ABCG2: variants seen among roughly 807,000 people sequenced by gnomAD.
ABCG2 encodes broad substrate specificity ATP-binding cassette transporter ABCG2.
Under a neutral mutation model 73.5 loss-of-function variants are expected in ABCG2, and 80 were observed. That is an observed-to-expected ratio of 1.09 (90% confidence interval 0.91 to 1.31). The LOEUF is 1.31. Among genes scored for constraint, ABCG2 ranks in the 50% most tolerant of loss-of-function variants. The probability of loss-of-function intolerance (pLI) is 0.00; values close to 1 mark genes in which losing one functional copy is unlikely to be tolerated. For synonymous variants in ABCG2, 269 were observed against 282.4 expected, an observed-to-expected ratio of 0.95 and a Z score of 0.48; for missense variants, 796 against 786.2, an observed-to-expected ratio of 1.01 and a Z score of -0.15.
At chr4:88,136,365 T>C (rs959558971) in intron 2 of ABCG2, among the ~76,000 whole-genome samples, 1 of 152,136 alleles carries the variant, frequency 6.6e-6, no homozygotes, top group Admixed American at 6.5e-5. Flanking sequence ...GTTTTGTAAA[T>C]ATCTCCTCCA....
chr4:88,144,663 T>A (rs1208408596), intron 1 of ABCG2, among the ~76,000 whole-genome samples: 2 of 151,970 alleles, frequency 1.3e-5, no homozygotes, highest in Middle Eastern at 3.4e-3. Context: ...ACCATGGTGG[T>A]CAAGGCTGGT....
At chr4:88,096,907 T>A (rs1342126794) in intron 13 of ABCG2, among the ~76,000 whole-genome samples, 1 of 152,172 alleles carries the variant, frequency 6.6e-6, no homozygotes, top group African/African-American at 2.4e-5. Flanking sequence ...CAAACCATAC[T>A]CTGTTCTGCT....
upstream of ABCG2, chr4:88,163,725 C>T (rs377740941): frequency 7.3e-4 from 299 of 407,708 alleles, 1 homozygote; most frequent in African/African-American, 5.3e-3. Flanking sequence ...TCAGAGAGAT[C>T]CGGAAATTTG....
chr4:88,138,622 A>G (rs1246837274), intron 2 of ABCG2, among the ~76,000 whole-genome samples: 1 of 152,200 alleles, frequency 6.6e-6, no homozygotes, highest in Non-Finnish European at 1.5e-5. Context: ...TTAGAGTTGG[A>G]GCCAGCAGAT....
At chr4:88,101,183 G>T in intron 11 of ABCG2, 47 bp downstream of exon 11, 1 of 1,540,324 alleles carries the variant, frequency 6.5e-7, no homozygotes, top group Non-Finnish European at 9.0e-7. Context: ...CTAACCAATA[G>T]CCCCTGCTGC....
At chr4:88,200,249 G>A (rs1366010512) in intron 1 of ABCG2, among the ~76,000 whole-genome samples, 1 of 151,982 alleles carries the variant, frequency 6.6e-6, no homozygotes, top group East Asian at 1.9e-4. Context: ...GATCACTTGA[G>A]CCTGGGAGGT....
At chr4:88,166,145 T>C (rs1229915743) in intron 1 of ABCG2, among the ~76,000 whole-genome samples, 1 of 152,180 alleles carries the variant, frequency 6.6e-6, no homozygotes, top group African/African-American at 2.4e-5. Flanking sequence ...GAAGCCTTTC[T>C]GGAGCTTCCC....
At chr4:88,216,440 C>G (rs1729816379) in intron 1 of ABCG2, among the ~76,000 whole-genome samples, 1 of 152,204 alleles carries the variant, frequency 6.6e-6, no homozygotes, top group Non-Finnish European at 1.5e-5. Flanking sequence ...CAGTAAGCCT[C>G]TTTCTCCAGG....
chr4:88,224,410 C>T (rs1310064492), intron 1 of ABCG2, among the ~76,000 whole-genome samples: 1 of 151,822 alleles, frequency 6.6e-6, no homozygotes, highest in Non-Finnish European at 1.5e-5. Context: ...TGCACCCCAG[C>T]CTGGGCAATG....
intron 11 of ABCG2, among the ~76,000 whole-genome samples, chr4:88,100,787 A>C (rs1032604948): frequency 2.0e-5 from 3 of 152,110 alleles, no homozygotes; most frequent in Non-Finnish European, 2.9e-5. Context: ...TTGTCGACTT[A>C]ATCTCCCCAC....
chr4:88,096,024 G>A (rs553981137), intron 13 of ABCG2, among the ~76,000 whole-genome samples: 13 of 152,276 alleles, frequency 8.5e-5, no homozygotes, highest in Admixed American at 3.9e-4. Flanking sequence ...AATCCTGAGC[G>A]TCACATGCCC....
chr4:88,160,244 G>GA (rs45587736), upstream of ABCG2, among the ~76,000 whole-genome samples: 26,142 of 139,392 alleles, frequency 0.19, 2,814 homozygotes, highest in Non-Finnish European at 0.26. Context: ...TCTGTCTCAA[G>GA]AAAAAAAAAA....
Position 88,140,035 on chromosome 4 carries a change from G to T in ABCG2, c.-19-21C>A, listed in dbSNP as rs1382269168. 3.8e-6 allele frequency: 6 copies of T among 1,590,624 alleles called. No homozygotes were observed. In the South Asian group the frequency reaches 4.5e-5, roughly 12 times the overall value. The stretch of plus-strand genomic sequence containing the variant: ...TCTTTCTGCAGACAGAAAAGCAATA[G>T]TAAGTTGATAGTCCAGATAAATGAG... On this transcript the variant is annotated intron_variant, in intron 1 of 15. Transcript: ENST00000237612.
intron 1 of ABCG2, chr4:88,223,971 A>G (rs1403229500): frequency 6.6e-6 from 1 of 151,904 alleles, no homozygotes; most frequent in Admixed American, 6.6e-5. Context: ...GATGGTGAGC[A>G]TCTTTTCATG....
intron 1 of ABCG2, among the ~76,000 whole-genome samples, chr4:88,149,473 GGT>G (rs1726292397): frequency 6.6e-6 from 1 of 152,126 alleles, no homozygotes; most frequent in African/African-American, 2.4e-5. Context: ...GAATGTGTGG[GGT>G]TTCAGCTCCT....
chr4:88,120,374 G>T (rs1723885269), intron 6 of ABCG2, among the ~76,000 whole-genome samples: 1 of 152,070 alleles, frequency 6.6e-6, no homozygotes. Context: ...CCCCAGAATG[G>T]TAGATCCACC....
chr4:88,093,000 T>A (rs1393337331), intron 15 of ABCG2, among the ~76,000 whole-genome samples: 1 of 152,176 alleles, frequency 6.6e-6, no homozygotes, highest in Non-Finnish European at 1.5e-5. Context: ...GATACTCAGG[T>A]ACAAGACATT....
At chr4:88,116,466 G>A (rs6532048) in intron 7 of ABCG2, among the ~76,000 whole-genome samples, 147,668 of 151,832 alleles carry the variant, frequency 0.97, 71,945 homozygotes, top group East Asian at 1. Context: ...GGAATCATTT[G>A]TAATCATATC....
intron 2 of ABCG2, among the ~76,000 whole-genome samples, chr4:88,137,556 A>T (rs1433250006): frequency 6.6e-6 from 1 of 152,180 alleles, no homozygotes; most frequent in Non-Finnish European, 1.5e-5. Flanking sequence ...TGGCAGTCAA[A>T]TATGTGAGGG....
Sources: allele counts gnomAD v4.1 joint callset (sites outside exome capture counted in the v4.1 genomes callset), GRCh38; gene constraint gnomAD v4.1.1; transcripts MANE v1.5; gene names NCBI Gene and HGNC (gene_info 2026-07-23, HGNC 2026-07-21).